PGCKA1: variants seen among roughly 807,000 people sequenced by gnomAD.
PGCKA1 encodes the protein PDCD10 and GCKIII kinases-associated protein 1.
At chr4:37,520,775 G>A in the PGCKA1 span, among the ~76,000 whole-genome samples, 6 of 152,040 alleles carry the variant, frequency 3.9e-5, no homozygotes, top group African/African-American at 1.4e-4. Flanking sequence ...CCACCACCAT[G>A]CCTGGCTAAA....
At chr4:37,480,712 G>T in the PGCKA1 span, among the ~76,000 whole-genome samples, 1 of 152,192 alleles carries the variant, frequency 6.6e-6, no homozygotes, top group Non-Finnish European at 1.5e-5. Flanking sequence ...CCAGAGGTGG[G>T]TTATCTTAGG....
At chr4:37,574,318 T>C in the PGCKA1 span, among the ~76,000 whole-genome samples, 2 of 152,226 alleles carry the variant, frequency 1.3e-5, no homozygotes, top group Non-Finnish European at 2.9e-5. Context: ...CATATACTAC[T>C]TGTTCAGGTC....
At chr4:37,535,507 G>C in the PGCKA1 span, among the ~76,000 whole-genome samples, 2 of 152,176 alleles carry the variant, frequency 1.3e-5, no homozygotes, top group African/African-American at 4.8e-5. Flanking sequence ...GGAGGAGCAG[G>C]AAGTGGGAAA....
the PGCKA1 span, among the ~76,000 whole-genome samples, chr4:37,513,630 G>A: frequency 1.3e-5 from 2 of 152,158 alleles, no homozygotes; most frequent in African/African-American, 2.4e-5. Flanking sequence ...GGGTGTTAGG[G>A]CTGCAACATA....
the PGCKA1 span, among the ~76,000 whole-genome samples, chr4:37,477,115 T>C: frequency 2.6e-5 from 4 of 152,232 alleles, no homozygotes; most frequent in Admixed American, 2.6e-4. Flanking sequence ...AGCAGCATTA[T>C]TCATAATATC....
chr4:37,492,088 C>A, the PGCKA1 span, among the ~76,000 whole-genome samples: 2 of 151,084 alleles, frequency 1.3e-5, no homozygotes, highest in East Asian at 1.9e-4. The surrounding 1 kb of genome is among the most constrained non-coding windows in gnomAD (Gnocchi z 4.7). Flanking sequence ...TTCTACCAGG[C>A]TGGAGTGCAG....
chr4:37,516,634 T>A, the PGCKA1 span, among the ~76,000 whole-genome samples: 1 of 152,170 alleles, frequency 6.6e-6, no homozygotes, highest in East Asian at 1.9e-4. Context: ...CGAGCTCAAA[T>A]AGCTTTCTCT....
chr4:37,493,895 A>G, the PGCKA1 span, among the ~76,000 whole-genome samples: 1 of 152,116 alleles, frequency 6.6e-6, no homozygotes, highest in Non-Finnish European at 1.5e-5. Context: ...TGTTGTTGCA[A>G]ATGACAGGAT....
At chr4:37,509,247 G>A in the PGCKA1 span, among the ~76,000 whole-genome samples, 1 of 137,698 alleles carries the variant, frequency 7.3e-6, no homozygotes, top group African/African-American at 2.8e-5. Context: ...CTTCCCAGAA[G>A]GGGTGGCCAG....
the PGCKA1 span, among the ~76,000 whole-genome samples, chr4:37,589,875 A>G: frequency 6.6e-6 from 1 of 152,148 alleles, no homozygotes; most frequent in Non-Finnish European, 1.5e-5. Context: ...CAAGTGATCC[A>G]CCCGCCTTGG....
chr4:37,527,518 G>C, the PGCKA1 span, among the ~76,000 whole-genome samples: 1 of 151,962 alleles, frequency 6.6e-6, no homozygotes, highest in Non-Finnish European at 1.5e-5. Flanking sequence ...TTTATGTTTA[G>C]ATACATAAAT....
At chr4:37,568,793 C>G in the PGCKA1 span, among the ~76,000 whole-genome samples, 3 of 152,164 alleles carry the variant, frequency 2.0e-5, no homozygotes, top group Non-Finnish European at 4.4e-5. Flanking sequence ...TTGAAGTTCC[C>G]CTTTTTTCCC....
chr4:37,486,213 A>G, the PGCKA1 span, among the ~76,000 whole-genome samples: 1 of 152,124 alleles, frequency 6.6e-6, no homozygotes, highest in Non-Finnish European at 1.5e-5. Flanking sequence ...CTGAAATTCA[A>G]AGCCTCTAAC....
At chr4:37,484,033 A>G in the PGCKA1 span, among the ~76,000 whole-genome samples, 1 of 152,188 alleles carries the variant, frequency 6.6e-6, no homozygotes, top group African/African-American at 2.4e-5. Flanking sequence ...CATAAAAGTA[A>G]GATCTTCACT....
At chr4:37,502,517 G>A in the PGCKA1 span, among the ~76,000 whole-genome samples, 13 of 152,270 alleles carry the variant, frequency 8.5e-5, 1 homozygote, top group Non-Finnish European at 1.5e-4. Context: ...ACAGGGTGCT[G>A]GTGGGGGTGG....
At chr4:37,455,164 CATA>C in the PGCKA1 span, among the ~76,000 whole-genome samples, 1 of 152,126 alleles carries the variant, frequency 6.6e-6, no homozygotes, top group Non-Finnish European at 1.5e-5. Context: ...TGCTTTTAAA[CATA>C]ATAGAGTCTA....
At chr4:37,573,947 T>C in the PGCKA1 span, among the ~76,000 whole-genome samples, 1 of 152,184 alleles carries the variant, frequency 6.6e-6, no homozygotes, top group South Asian at 2.1e-4. Flanking sequence ...TCCAGCACCT[T>C]GGGAGGCCAA....
the PGCKA1 span, among the ~76,000 whole-genome samples, chr4:37,536,376 C>CT: frequency 8.6e-5 from 13 of 151,246 alleles, no homozygotes; most frequent in African/African-American, 2.9e-4. Flanking sequence ...AAACAACAAA[C>CT]TTTTTTTTTT....
At chr4:37,528,137 C>A in the PGCKA1 span, among the ~76,000 whole-genome samples, 1 of 152,226 alleles carries the variant, frequency 6.6e-6, no homozygotes, top group Admixed American at 6.5e-5. Flanking sequence ...CGAGCACCAA[C>A]TCCAGGAGCA....
Sources: gnomAD v4.1 joint callset for allele counts (sites outside exome capture counted in the v4.1 genomes callset) on GRCh38, gnomAD v4.1.1 for gene constraint, Gnocchi (gnomAD v3.1) non-coding constraint, MANE v1.5 for transcripts, NCBI Gene and HGNC (gene_info 2026-07-23, HGNC 2026-07-21) for gene names.